The following SMC1A variants were observed in gnomAD, a reference collection of about 807,000 sequenced individuals.
SMC1A encodes the protein structural maintenance of chromosomes 1A.
SMC1A carries 4 observed loss-of-function variants against 94.5 expected under a neutral mutation model. That is an observed-to-expected ratio of 0.04 (90% confidence interval 0.02 to 0.10). The LOEUF (loss-of-function observed/expected upper bound fraction) is 0.10, where lower values mean the gene tolerates loss of function less well. SMC1A is among the 10% of genes least tolerant of loss of function. The pLI, the probability that SMC1A is intolerant of heterozygous loss-of-function variation, is 1.00. For missense variants in SMC1A, 304 were observed against 989.0 expected (o/e 0.31, Z 9.29); for synonymous variants, 345 against 347.7 (o/e 0.99, Z 0.09).
rs373553782 is a variant in SMC1A, at chrX:53,396,398, G to A, written c.2709-18C>T. ...TCATTTCCCTAAAAAAGGTCCAGGG[G>A]CTAGGTGAGACCCAAATCTGGCAGG... On this transcript the variant is annotated intron_variant, in intron 17 of 24. Coordinates refer to ENST00000322213, the MANE Select transcript of SMC1A (RefSeq NM_006306.4). The A allele has an allele frequency of 1.3e-5, 16 of 1,209,131 alleles. No individual in the cohort carries two copies. The highest frequency in any genetic ancestry group is 1.8e-5 in the Non-Finnish European group (16 of 894,863).
At chrX:53,399,822 T>C in intron 15 of SMC1A, 92 bp from the exon 16 acceptor site, 1 of 925,542 alleles carries the variant, frequency 1.1e-6, no homozygotes, top group Non-Finnish European at 1.5e-6. Flanking sequence ...AAAGGGAAAC[T>C]AGACCCAGGG....
intron 9 of SMC1A, 71 bp downstream of exon 9, chrX:53,408,991 C>T: frequency 9.5e-7 from 1 of 1,048,800 alleles, no homozygotes; most frequent in Non-Finnish European, 1.3e-6. Flanking sequence ...CCTGTCCTTA[C>T]AGGGCTGCTG....
At chrX:53,408,919 C>A in intron 9 of SMC1A, 143 bp downstream of exon 9, 1 of 516,315 alleles carries the variant, frequency 1.9e-6, no homozygotes, top group South Asian at 2.7e-5. Context: ...CTCTTAGAAG[C>A]GGTGCTTTTT....
chrX:53,385,476 G>C (rs1033690273), intron 19 of SMC1A, among the ~76,000 whole-genome samples: 1 of 107,888 alleles, frequency 9.3e-6, no homozygotes, highest in Non-Finnish European at 1.9e-5. Context: ...GGGTTTCACC[G>C]TGTTAGCCAG....
At position 53,380,654 on chromosome X, in the gene SMC1A, G is replaced by A. The variant is rs782055278; in HGVS notation, c.3584C>T (p.Thr1195Ile). ...GACTCCAATGAGGCTCTCGGCCTTG[G>A]TGTAGAACTCCTCCTTGAGAGAGAT... is the stretch of plus-strand genomic sequence containing the variant. ...IVISLKEEFY[T>I]KAESLIGVYP... The change falls in exon 24 of 25, where the codon ACC (threonine) becomes ATC (isoleucine). Residue 1195 changes from threonine to isoleucine, a missense_variant. Coordinates refer to ENST00000322213, the MANE Select transcript of SMC1A (RefSeq NM_006306.4). 1 of 1,208,434 alleles carries A rather than the reference G, an allele frequency of 8.3e-7. No homozygotes were observed. The highest frequency in any genetic ancestry group is 2.2e-5 in the Admixed American group (1 of 46,079).
At chrX:53,389,781 CCTAT>C (rs1344396151) in intron 19 of SMC1A, among the ~76,000 whole-genome samples, 1 of 109,165 alleles carries the variant, frequency 9.2e-6, no homozygotes, top group Non-Finnish European at 1.9e-5. Flanking sequence ...TTTAAGAATT[CCTAT>C]CTCTTTCAGA....
At chrX:53,380,820 G>C (rs1180052300) in intron 23 of SMC1A, 90 bp from the exon 24 acceptor site, 15 of 708,534 alleles carry the variant, frequency 2.1e-5, no homozygotes, top group Non-Finnish European at 3.2e-5. Flanking sequence ...AGAAGAGGTA[G>C]GGTAGGGAGA....
At chrX:53,421,026 G>T (rs1262031329) in intron 1 of SMC1A, among the ~76,000 whole-genome samples, 1 of 111,335 alleles carries the variant, frequency 9.0e-6, no homozygotes, top group African/African-American at 3.3e-5. Context: ...GGGGGCAAGT[G>T]GGGGAGTGCC....
In SMC1A at chrX:53,412,914, A is replaced by G; in HGVS notation, c.840T>C (p.Ile280=). Residue 280 remains isoleucine, a synonymous_variant, in exon 5 of 25, where the codon ATT becomes ATC. Transcript: ENST00000322213. ...LGKMMREQQQ[I]EKEIKEKDSE... ...CTGCCTCTTACTTGATCTCCTTCTCAATCTGCTGCTGCTCCCGCATCATTT... is the reference window on the plus strand; with the variant it reads ...CTGCCTCTTACTTGATCTCCTTCTCGATCTGCTGCTGCTCCCGCATCATTT... 1 of 1,205,995 alleles carries G rather than the reference A, an allele frequency of 8.3e-7. No homozygotes were observed. Among genetic ancestry groups the G allele is most frequent in the Non-Finnish European group, 1.1e-6 (1 of 890,873 alleles).
intron 19 of SMC1A, among the ~76,000 whole-genome samples, chrX:53,388,201 G>A (rs1359451596): frequency 1.8e-5 from 2 of 111,186 alleles, no homozygotes; most frequent in African/African-American, 3.3e-5. Flanking sequence ...TGAAGGAGCC[G>A]TAGCCACAAC....
chrX:53,406,546 G>A (rs1446112600), intron 9 of SMC1A, among the ~76,000 whole-genome samples: 1 of 111,985 alleles, frequency 8.9e-6, no homozygotes, highest in Non-Finnish European at 1.9e-5. Context: ...TATGTTTGCC[G>A]AGAACACTCC....
At position 53,374,723 on chromosome X, in the gene SMC1A, C is replaced by T. The variant is rs186354950; in HGVS notation, c.*5380G>A. ...CTAGCCCATTGTTGCCTTGCTGCTTCATGGCTTCTGCCACCCTGTGGCTCC... is the reference window on the plus strand; with the variant it reads ...CTAGCCCATTGTTGCCTTGCTGCTTTATGGCTTCTGCCACCCTGTGGCTCC... On this transcript the variant is annotated 3_prime_UTR_variant, in exon 25 of 25. Transcript: ENST00000322213. The T allele has an allele frequency of 8.1e-3, 916 of 112,511 alleles. 6 individuals are homozygous for T. Among genetic ancestry groups the T allele is most frequent in the South Asian group, 0.037 (99 of 2,691 alleles). 9.3% of individuals were successfully genotyped at this position (112,511 alleles called of 1,213,427 possible). A position where few individuals can be genotyped will look rare whatever the true frequency, so the allele number is the denominator to read the frequency against.
chrX:53,420,369 C>T (rs2075749869), intron 1 of SMC1A, among the ~76,000 whole-genome samples: 1 of 109,670 alleles, frequency 9.1e-6, no homozygotes, highest in South Asian at 3.9e-4. Flanking sequence ...ACTAAAAATA[C>T]AAGAACTAGC....
chrX:53,417,730 T>G (rs2075737862), intron 1 of SMC1A, among the ~76,000 whole-genome samples: 1 of 111,088 alleles, frequency 9.0e-6, no homozygotes, highest in Admixed American at 9.7e-5. Context: ...ATGAGGAAAT[T>G]TTCTTAGTTG....
At chrX:53,390,262 C>A (rs5978164) in intron 19 of SMC1A, among the ~76,000 whole-genome samples, 46,036 of 105,661 alleles carry the variant, frequency 0.44, 9,231 homozygotes, top group Non-Finnish European at 0.59. Context: ...CCAAGGCGGG[C>A]GGATCACGAG....
intron 7 of SMC1A, 74 bp downstream of exon 7, chrX:53,411,687 T>C: frequency 8.8e-7 from 1 of 1,137,060 alleles, no homozygotes; most frequent in Non-Finnish European, 1.2e-6. Flanking sequence ...TGGATTATTT[T>C]GGATTTGGGA....
intron 19 of SMC1A, among the ~76,000 whole-genome samples, chrX:53,390,133 C>T (rs1312265055): frequency 3.8e-5 from 4 of 104,598 alleles, no homozygotes; most frequent in African/African-American, 1.4e-4. Flanking sequence ...CGTGAGCCAC[C>T]GCACCCGGCC....
Position 53,378,497 on chromosome X carries a change from C to T in SMC1A, c.*1606G>A, listed in dbSNP as rs2075568976. On this transcript the variant is annotated 3_prime_UTR_variant, in exon 25 of 25. Coordinates refer to ENST00000322213, the MANE Select transcript of SMC1A (RefSeq NM_006306.4). Reference sequence around the variant, plus strand: ...CATTTGCATTAAACACACAATATTTCCAATGAGTTCACATATGTACGTACA... The same window carrying T: ...CATTTGCATTAAACACACAATATTTTCAATGAGTTCACATATGTACGTACA... 2 of 112,280 alleles carry T rather than the reference C, an allele frequency of 1.8e-5. No individual in the cohort carries two copies. Among genetic ancestry groups the T allele is most frequent in the Admixed American group, 1.9e-4 (2 of 10,567 alleles). 9.3% of individuals were successfully genotyped at this position (112,280 alleles called of 1,213,427 possible). A position where few individuals can be genotyped will look rare whatever the true frequency, so the allele number is the denominator to read the frequency against.
intron 19 of SMC1A, among the ~76,000 whole-genome samples, chrX:53,389,644 C>T (rs1437342568): frequency 4.6e-5 from 5 of 109,448 alleles, no homozygotes; most frequent in Non-Finnish European, 7.6e-5. Context: ...GCAGGAGAAT[C>T]GCTTGAACCA....
Sources: allele counts gnomAD v4.1 joint callset (sites outside exome capture counted in the v4.1 genomes callset), GRCh38; gene constraint gnomAD v4.1.1; transcripts MANE v1.5; gene names NCBI Gene and HGNC (gene_info 2026-07-23, HGNC 2026-07-21).